PTPRA: variants seen among roughly 807,000 people sequenced by gnomAD.
PTPRA encodes the protein receptor-type tyrosine-protein phosphatase alpha.
In PTPRA, 25 loss-of-function variants were observed where a neutral mutation model predicts 104.8. The observed-to-expected ratio is 0.24, with a 90% CI of 0.17 to 0.33. The LOEUF is 0.33. PTPRA is among the 10% of genes least tolerant of loss of function. PTPRA has a pLI of 1.00. For synonymous variants in PTPRA, 323 were observed against 368.9 expected (o/e 0.88, Z 1.43); for missense variants, 765 against 1,015.3 (o/e 0.75, Z 3.35).
chr20:3,006,859 G>C (rs1347856236), intron 10 of PTPRA, among the ~76,000 whole-genome samples: 1 of 152,144 alleles, frequency 6.6e-6, no homozygotes, highest in East Asian at 1.9e-4. Context: ...TGGAACTCCT[G>C]ACCTCAAGTG....
intron 13 of PTPRA, among the ~76,000 whole-genome samples, chr20:3,018,811 G>A (rs1336318777): frequency 7.9e-6 from 1 of 126,810 alleles, no homozygotes; most frequent in Admixed American, 7.9e-5. Flanking sequence ...CCGGGCAGAG[G>A]CGCCCCTCAC....
chr20:3,015,616 A>G (rs1368657709), intron 11 of PTPRA, among the ~76,000 whole-genome samples: 1 of 152,068 alleles, frequency 6.6e-6, no homozygotes, highest in Non-Finnish European at 1.5e-5. Context: ...TGGATTTCTT[A>G]TTCTAGTATT....
upstream of PTPRA, among the ~76,000 whole-genome samples, chr20:2,870,009 A>G (rs1459929206): frequency 6.6e-6 from 1 of 151,726 alleles, no homozygotes; most frequent in Non-Finnish European, 1.5e-5. Context: ...AAAGGCTCCT[A>G]CAACTCACCT....
intron 1 of PTPRA, among the ~76,000 whole-genome samples, chr20:2,895,263 A>G (rs1251348499): frequency 6.6e-6 from 1 of 151,624 alleles, no homozygotes; most frequent in Admixed American, 6.6e-5. Context: ...TTTGGTAGAG[A>G]TGGGGCTTCA....
chr20:2,884,166 A>G (rs1424001348), intron 1 of PTPRA, among the ~76,000 whole-genome samples: 1 of 151,884 alleles, frequency 6.6e-6, no homozygotes, highest in African/African-American at 2.4e-5. Context: ...ATTTGTTTCT[A>G]CTTTTTGGCT....
chr20:2,952,438 G>T (rs2061384336), intron 3 of PTPRA, among the ~76,000 whole-genome samples: 1 of 151,870 alleles, frequency 6.6e-6, no homozygotes, highest in Non-Finnish European at 1.5e-5. Context: ...GTTGAGCTTT[G>T]AGAGTTCTTT....
At chr20:2,984,554 C>G (rs1386735233) in intron 6 of PTPRA, among the ~76,000 whole-genome samples, 1 of 152,226 alleles carries the variant, frequency 6.6e-6, no homozygotes, top group Admixed American at 6.5e-5. Context: ...CACCTCATGG[C>G]TACTGCTTAT....
At chr20:2,966,303 ATCTC>A (rs1387436405) in intron 5 of PTPRA, among the ~76,000 whole-genome samples, 1 of 152,204 alleles carries the variant, frequency 6.6e-6, no homozygotes, top group Non-Finnish European at 1.5e-5. Flanking sequence ...GGCTTACTTT[ATCTC>A]TCTACCTCGG....
intron 20 of PTPRA, among the ~76,000 whole-genome samples, 197 bp downstream of exon 20, chr20:3,028,038 G>A (rs904284476): frequency 1.3e-5 from 2 of 152,198 alleles, no homozygotes; most frequent in African/African-American, 2.4e-5. Context: ...TGCCCAGCCC[G>A]TTGGTGTCTA....
At chr20:2,900,205 G>A (rs987632728) in intron 1 of PTPRA, among the ~76,000 whole-genome samples, 3 of 151,804 alleles carry the variant, frequency 2.0e-5, no homozygotes, top group African/African-American at 4.8e-5. Context: ...TCACCCAGGC[G>A]GTAGCGCAGT....
intron 13 of PTPRA, among the ~76,000 whole-genome samples, chr20:3,019,479 C>T (rs573608959): frequency 2.2e-3 from 335 of 148,996 alleles, no homozygotes; most frequent in Non-Finnish European, 3.5e-3. Flanking sequence ...CCGGACGGGG[C>T]GGCAGGGCAG....
chr20:3,032,321 T>G (rs1266911372), intron 20 of PTPRA, among the ~76,000 whole-genome samples: 5 of 152,156 alleles, frequency 3.3e-5, no homozygotes, highest in Non-Finnish European at 7.3e-5. Flanking sequence ...CTCTCCCACC[T>G]CCATCAGCAG....
chr20:2,958,844 C>CAGAAAA (rs1164247922), intron 3 of PTPRA, among the ~76,000 whole-genome samples: 1 of 46,866 alleles, frequency 2.1e-5, no homozygotes, highest in South Asian at 6.8e-4. Flanking sequence ...GAGACTGTAT[C>CAGAAAA]AAAAAAAAAA....
chr20:2,872,991 C>T (rs1163251949), upstream of PTPRA, among the ~76,000 whole-genome samples: 10 of 152,250 alleles, frequency 6.6e-5, no homozygotes, highest in African/African-American at 2.4e-4. The surrounding 1 kb of genome is among the most constrained non-coding windows in gnomAD (Gnocchi z 7.9). Context: ...GAGCCAGATC[C>T]GTTCTAGGGA....
rs1200715938 is a variant in PTPRA, at chr20:3,026,733, A to G, written c.1661A>G (p.Asn554Ser). 17 of 1,613,202 alleles carry G rather than the reference A, an allele frequency of 1.1e-5. No homozygotes were observed. The highest frequency in any genetic ancestry group is 1.3e-5 in the Non-Finnish European group (15 of 1,179,478). ...CAGAATGACAAGATGCGGACTGGAA[A>G]CCTTCCAGCCAACATGAAGAAGAAC... ...KIQNDKMRTGNLPANMKKNRV... is the reference protein window; with the variant it reads ...KIQNDKMRTGSLPANMKKNRV... Residue 554 changes from asparagine (N) to serine (S), a missense_variant, in exon 18 of 24, where the codon AAC (asparagine) becomes AGC (serine). Asn to Ser is a conservative substitution (Grantham distance 46). Around this residue, in one of 4 missense-constraint regions of PTPRA, gnomAD observed 192 missense variants for 227.0 expected, o/e 0.85. Transcript: ENST00000399903.
intron 22 of PTPRA, 73 bp downstream of exon 22, chr20:3,036,014 G>GTTAT: frequency 6.2e-7 from 1 of 1,600,942 alleles, no homozygotes; most frequent in Admixed American, 1.7e-5. Flanking sequence ...GATGACCATG[G>GTTAT]GTCAGACTGA....
At position 2,964,321 on chromosome 20, in the gene PTPRA, T is replaced by C; in HGVS notation, c.44T>C (p.Ile15Thr). ...CTTGTTCTGCTCGGCAGTGGTCTGA[T>C]ATGTGTCAGTGCCAACAATGCTACC... Reference protein sequence around the residue: ...FILVLLGSGLICVSANNATTV... With the variant: ...FILVLLGSGLTCVSANNATTV... Residue 15 changes from isoleucine to threonine, a missense_variant, in exon 4 of 24, where the codon ATA becomes ACA. Physicochemically the swap from Ile to Thr is moderately conservative, Grantham distance 89. Around this residue, in one of 4 missense-constraint regions of PTPRA, gnomAD observed 256 missense variants for 248.9 expected, o/e 1.03. Transcript: ENST00000399903. 1 of 1,607,802 alleles carries C rather than the reference T, an allele frequency of 6.2e-7. No individual in the cohort carries two copies. Among genetic ancestry groups the C allele is most frequent in the Non-Finnish European group, 8.5e-7 (1 of 1,178,088 alleles).
At chr20:2,920,174 G>T (rs2060049901) in intron 1 of PTPRA, among the ~76,000 whole-genome samples, 1 of 152,188 alleles carries the variant, frequency 6.6e-6, no homozygotes, top group Non-Finnish European at 1.5e-5. Context: ...TACAGGAGAA[G>T]ATAACATTTC....
At chr20:2,865,002 C>G in the PTPRA span, 2 of 1,614,198 alleles carry the variant, frequency 1.2e-6, no homozygotes, top group Non-Finnish European at 1.7e-6. This position sits in a 1 kb window ranked among gnomAD's most constrained non-coding sequence, Gnocchi z 5.2. Flanking sequence ...AGTAGCAGCT[C>G]TGCAGACAGC....
Sources: gnomAD v4.1 joint callset for allele counts (sites outside exome capture counted in the v4.1 genomes callset) on GRCh38, gnomAD v4.1.1 for gene constraint, gnomAD v4.1.1 regional missense constraint, Gnocchi (gnomAD v3.1) non-coding constraint, MANE v1.5 for transcripts, NCBI Gene and HGNC (gene_info 2026-07-23, HGNC 2026-07-21) for gene names.